Variants in DPY19L4 observed in about 807,000 individuals in gnomAD.
The protein encoded by DPY19L4 is dpy-19 like 4, also known as probable C-mannosyltransferase DPY19L4.
In DPY19L4, 97 loss-of-function variants were observed where a neutral mutation model predicts 102.8. That is an observed-to-expected ratio of 0.94 (90% CI 0.80 to 1.12). DPY19L4 has a LOEUF of 1.12. DPY19L4 is among the 50% of genes most tolerant of loss of function. The pLI is 0.00. For synonymous variants in DPY19L4, 252 were observed against 283.1 expected (o/e 0.89, Z 1.10); for missense variants, 815 against 850.4 (o/e 0.96, Z 0.52).
chr8:94,731,191 C>T (rs2130797557), intron 2 of DPY19L4, among the ~76,000 whole-genome samples: 2 of 151,902 alleles, frequency 1.3e-5, no homozygotes, highest in South Asian at 4.2e-4. Context: ...AAAAACAAAC[C>T]CAAGAAATCC....
chr8:94,751,118 C>CTTTCTTTT (rs1261561359), intron 6 of DPY19L4, among the ~76,000 whole-genome samples: 18 of 116,968 alleles, frequency 1.5e-4, no homozygotes, highest in African/African-American at 2.4e-4. Flanking sequence ...TCTTTTCTTT[C>CTTTCTTTT]TTTTCTTTTT....
At chr8:94,764,689 G>GTC (rs1415377058) in intron 8 of DPY19L4, among the ~76,000 whole-genome samples, 554 of 43,256 alleles carry the variant, frequency 0.013, 36 homozygotes, top group African/African-American at 0.06. Flanking sequence ...GTCTGTGTGT[G>GTC]TATATATATA....
chr8:94,720,285 G>A (rs1182161891), intron 1 of DPY19L4: 1 of 983,924 alleles, frequency 1.0e-6, no homozygotes, highest in Non-Finnish European at 1.2e-6. Flanking sequence ...GCTGTGCCGG[G>A]AGTGGTTGGG....
At chr8:94,738,263 G>GGTGCGATCTTGGCTCACTGT in intron 3 of DPY19L4, 106 bp from the exon 4 acceptor site, 1 of 323,344 alleles carries the variant, frequency 3.1e-6, no homozygotes, top group Non-Finnish European at 5.0e-6. Flanking sequence ...AGGTTGCAGT[G>GGTGCGATCTTGGCTCACTGT]AGCCGAGATC....
rs1396588643 is a variant in DPY19L4, at chr8:94,770,579, T to G, written c.1454+8T>G. On this transcript the variant is annotated splice_region_variant and intron_variant, in intron 13 of 18. Transcript: ENST00000414645. ...TGCAATGGTTATAGAAGGGTAAGTG[T>G]ACTTTATTTGATCCCTTTGTTTTAA... is the stretch of plus-strand genomic sequence containing the variant. 10 of 1,613,166 alleles carry G rather than the reference T, an allele frequency of 6.2e-6. No homozygotes were observed. The highest frequency in any genetic ancestry group is 8.5e-6 in the Non-Finnish European group (10 of 1,179,696).
chr8:94,724,498 T>A (rs1006576764), intron 1 of DPY19L4, among the ~76,000 whole-genome samples: 2 of 152,224 alleles, frequency 1.3e-5, no homozygotes, highest in Non-Finnish European at 2.9e-5. Flanking sequence ...AGGAATATAG[T>A]AATATTTACT....
intron 6 of DPY19L4, among the ~76,000 whole-genome samples, chr8:94,746,006 A>C (rs573272513): frequency 9.8e-4 from 147 of 149,348 alleles, no homozygotes; most frequent in Admixed American, 2.4e-3. Context: ...TGCCCACCTC[A>C]GCCTCCCAAC....
intron 2 of DPY19L4, among the ~76,000 whole-genome samples, chr8:94,729,833 A>AAAAC (rs145645737): frequency 0.025 from 3,877 of 152,042 alleles, 169 homozygotes; most frequent in African/African-American, 0.088. Context: ...TCTGTCTCAA[A>AAAAC]AAACAAACAA....
chr8:94,747,094 T>C lies in DPY19L4; in HGVS notation c.611+7304T>C, dbSNP rs534788824. On this transcript the variant is annotated intron_variant, in intron 6 of 18. Coordinates refer to ENST00000414645, the MANE Select transcript of DPY19L4 (RefSeq NM_181787.3). ...CGGGTTTTTTGAGACAGAGTCTCAC[T>C]CCCATCACCCAGGCTCAAGTGCAGT... Among the ~76,000 whole-genome samples, 3 of 152,174 alleles carry C rather than the reference T, an allele frequency of 2.0e-5. No individual in the cohort carries two copies. The South Asian group carries it at 6.2e-4, about 32-fold the overall frequency.
At chr8:94,730,699 C>A (rs866748316) in intron 2 of DPY19L4, among the ~76,000 whole-genome samples, 1 of 148,528 alleles carries the variant, frequency 6.7e-6, no homozygotes, top group Non-Finnish European at 1.5e-5. Context: ...GAGTCGAGAT[C>A]ACGCCATTGC....
chr8:94,769,057 T>G (rs950929160), intron 12 of DPY19L4, among the ~76,000 whole-genome samples: 1 of 149,904 alleles, frequency 6.7e-6, no homozygotes, highest in Non-Finnish European at 1.5e-5. Context: ...AAACTTAGTT[T>G]TTTTGTTTTT....
chr8:94,763,068 C>A (rs1812465566), intron 8 of DPY19L4, among the ~76,000 whole-genome samples: 1 of 151,320 alleles, frequency 6.6e-6, no homozygotes, highest in African/African-American at 2.4e-5. Flanking sequence ...CCTGCCTTAG[C>A]CTCCCGAGTA....
At chr8:94,769,062 G>GTTT (rs983995829) in intron 12 of DPY19L4, among the ~76,000 whole-genome samples, 3 of 127,250 alleles carry the variant, frequency 2.4e-5, no homozygotes, top group Admixed American at 8.0e-5. Context: ...TAGTTTTTTT[G>GTTT]TTTTTTTTTT....
chr8:94,733,425 C>A (rs1811056700), intron 2 of DPY19L4, among the ~76,000 whole-genome samples: 1 of 152,090 alleles, frequency 6.6e-6, no homozygotes, highest in African/African-American at 2.4e-5. Context: ...GTGCCAGGCC[C>A]ATCTTAACCA....
At chr8:94,783,848 TGTATTTTA>T in intron 17 of DPY19L4, 46 bp downstream of exon 17, 1 of 1,605,624 alleles carries the variant, frequency 6.2e-7, no homozygotes, top group Non-Finnish European at 8.5e-7. Context: ...TCCAGCACTT[TGTATTTTA>T]GCATAGTCTG....
chr8:94,750,101 G>T (rs148248538), intron 6 of DPY19L4, among the ~76,000 whole-genome samples: 1 of 152,072 alleles, frequency 6.6e-6, no homozygotes, highest in East Asian at 1.9e-4. Context: ...GACTACAGCC[G>T]TGCACCACCA....
At chr8:94,731,880 G>A (rs1265064013) in intron 2 of DPY19L4, among the ~76,000 whole-genome samples, 2 of 151,972 alleles carry the variant, frequency 1.3e-5, no homozygotes, top group African/African-American at 2.4e-5. Flanking sequence ...CCATTCTCCC[G>A]CCTCAGCCTC....
At chr8:94,738,670 T>C (rs1481459566) in intron 4 of DPY19L4, among the ~76,000 whole-genome samples, 2 of 151,740 alleles carry the variant, frequency 1.3e-5, no homozygotes, top group Admixed American at 1.3e-4. Flanking sequence ...TGCACCACCA[T>C]GCCCGGCTAA....
chr8:94,747,962 A>C (rs1392179521), intron 6 of DPY19L4, among the ~76,000 whole-genome samples: 1 of 152,178 alleles, frequency 6.6e-6, no homozygotes, highest in Non-Finnish European at 1.5e-5. Context: ...GGACTCCAAA[A>C]TTGATCTAAT....
Sources: gnomAD v4.1 joint callset for allele counts (sites outside exome capture counted in the v4.1 genomes callset) on GRCh38, gnomAD v4.1.1 for gene constraint, MANE v1.5 for transcripts, NCBI Gene and HGNC (gene_info 2026-07-23, HGNC 2026-07-21) for gene names.